The following PTPRG variants were observed in gnomAD, a reference collection of about 807,000 sequenced individuals.
PTPRG encodes the protein protein tyrosine phosphatase receptor type G, also known as receptor-type tyrosine-protein phosphatase gamma.
Under a neutral mutation model 165.3 loss-of-function variants are expected in PTPRG, and 102 were observed. The ratio of observed to expected loss-of-function variants is 0.62; its 90% confidence interval spans 0.53 to 0.73. PTPRG has a LOEUF of 0.73. Among genes scored for constraint, PTPRG ranks in the 30% least tolerant of loss-of-function variants. The pLI is 0.00. For missense variants in PTPRG, 1,866 were observed against 1,861.4 expected (o/e 1.00, Z -0.05); for synonymous variants, 675 against 669.5 (o/e 1.01, Z -0.13).
chr3:62,271,584 A>T lies in PTPRG; in HGVS notation c.3182+29A>T. 1 of 1,597,382 alleles carries T rather than the reference A, an allele frequency of 6.3e-7. No homozygotes were observed. Among genetic ancestry groups the T allele is most frequent in the Non-Finnish European group, 8.5e-7 (1 of 1,170,844 alleles). On this transcript the variant is annotated intron_variant, in intron 21 of 29. Coordinates refer to ENST00000474889, the MANE Select transcript of PTPRG (RefSeq NM_002841.4). This position sits in a 1 kb window ranked among gnomAD's most constrained non-coding sequence, Gnocchi z 4.1. ...GGGTCTAGGATTCAACATGTGAAAT[A>T]GATGGGGCAGGGGACTTAGGCCTCA...
intron 1 of PTPRG, among the ~76,000 whole-genome samples, chr3:61,626,216 T>A (rs1252342547): frequency 6.6e-6 from 1 of 152,202 alleles, no homozygotes; most frequent in Admixed American, 6.5e-5. Flanking sequence ...TAAAGCTTTT[T>A]TAAAAACTAA....
intron 2 of PTPRG, among the ~76,000 whole-genome samples, chr3:61,886,382 C>CTTACCTATACAA: frequency 6.6e-6 from 1 of 152,254 alleles, no homozygotes; most frequent in East Asian, 1.9e-4. Flanking sequence ...AGTTCATTTA[C>CTTACCTATACAA]TTACCTATAT....
At chr3:62,282,962 C>A in intron 28 of PTPRG, 93 bp downstream of exon 28, 1 of 1,193,004 alleles carries the variant, frequency 8.4e-7, no homozygotes, top group Non-Finnish European at 1.2e-6. Context: ...AATTTTAAAA[C>A]CTATCAACAA....
intron 2 of PTPRG, among the ~76,000 whole-genome samples, chr3:61,792,346 C>T (rs1208018362): frequency 6.6e-6 from 1 of 152,028 alleles, no homozygotes; most frequent in Non-Finnish European, 1.5e-5. Context: ...CCCCGTCACC[C>T]CTCCGTAGCT....
At chr3:61,712,565 C>G (rs1230520705) in intron 1 of PTPRG, among the ~76,000 whole-genome samples, 7 of 152,126 alleles carry the variant, frequency 4.6e-5, no homozygotes, top group Non-Finnish European at 1.0e-4. Flanking sequence ...GATGGTTTAA[C>G]AGTGGCAGCT....
intron 3 of PTPRG, among the ~76,000 whole-genome samples, chr3:61,992,447 C>A (rs994647967): frequency 6.6e-6 from 1 of 152,136 alleles, no homozygotes; most frequent in Non-Finnish European, 1.5e-5. Flanking sequence ...GCAACCTCTG[C>A]CTCCCGGGTT....
chr3:61,774,093 C>T (rs935668064), intron 2 of PTPRG, among the ~76,000 whole-genome samples: 3 of 152,102 alleles, frequency 2.0e-5, no homozygotes, highest in African/African-American at 7.2e-5. Flanking sequence ...TCATTCATTC[C>T]AGGCTTAGAG....
intron 2 of PTPRG, among the ~76,000 whole-genome samples, chr3:61,773,365 C>T (rs1361832033): frequency 6.6e-6 from 1 of 152,112 alleles, no homozygotes; most frequent in Non-Finnish European, 1.5e-5. Context: ...AGATAAACGC[C>T]TAACTACAGA....
intron 4 of PTPRG, among the ~76,000 whole-genome samples, chr3:62,030,572 C>T (rs1273284971): frequency 6.6e-6 from 1 of 152,080 alleles, no homozygotes; most frequent in Non-Finnish European, 1.5e-5. Flanking sequence ...CTGGAGATGT[C>T]ATCATTGATC....
rs1559670151 is a variant in PTPRG at position 61,887,141 on chromosome 3, TATATATATATATATATATATATATATA to T, written c.191-102483_191-102457del. Among the ~76,000 whole-genome samples, 3 of 54,710 alleles carry T rather than the reference TATATATATATATATATATATATATATA, an allele frequency of 5.5e-5. 1 individual carries two copies. The East Asian group carries it at 1.4e-3, about 25-fold the overall frequency. 35.9% of individuals were successfully genotyped at this position (54,710 alleles called of 152,430 possible). A position where few individuals can be genotyped will look rare whatever the true frequency, so the allele number is the denominator to read the frequency against. On this transcript the variant is annotated intron_variant, in intron 2 of 29. Transcript: ENST00000474889. ...TAGCATGCATATATATATATATATA[TATATATATATATATATATATATATATA>T]TATTTTTAATGCCATCATCAAACAC...
chr3:61,645,671 T>A (rs990180743), intron 1 of PTPRG, among the ~76,000 whole-genome samples: 1 of 152,244 alleles, frequency 6.6e-6, no homozygotes, highest in African/African-American at 2.4e-5. Flanking sequence ...TGATAGTAGA[T>A]GCTTTAGATC....
chr3:61,925,777 C>A, intron 2 of PTPRG: 1 of 397,012 alleles, frequency 2.5e-6, no homozygotes, highest in African/African-American at 2.1e-5. Flanking sequence ...GTCAAAGTTG[C>A]AGCACCTGCC....
intron 2 of PTPRG, among the ~76,000 whole-genome samples, chr3:61,860,745 A>AT (rs2037243758): frequency 6.6e-6 from 1 of 152,068 alleles, no homozygotes; most frequent in African/African-American, 2.4e-5. Context: ...CGCCTAGCCC[A>AT]TTTTTTAAAA....
At chr3:61,966,214 C>T (rs76341859) in intron 2 of PTPRG, among the ~76,000 whole-genome samples, 2,043 of 152,156 alleles carry the variant, frequency 0.013, 42 homozygotes, top group African/African-American at 0.045. Context: ...TATCTGCTGG[C>T]GAAATTTTTG....
At position 62,074,307 on chromosome 3, in the gene PTPRG, T is replaced by A. The variant is rs551309360; in HGVS notation, c.520-3856T>A. 1.1e-4 allele frequency among the ~76,000 whole-genome samples: 17 copies of A among 151,594 alleles called. No homozygotes were observed. The South Asian group carries it at 3.4e-3, about 30-fold the overall frequency. On this transcript the variant is annotated intron_variant, in intron 4 of 29. Transcript: ENST00000474889. ...GTTAATAGATCCCTTTATTGCTGGA[T>A]TTTCCAGATCTTTTTTTCTTTTTTT...
At chr3:62,281,537 G>GGTTTTTTT (rs778994257) in intron 26 of PTPRG, 26 bp from the exon 27 acceptor site, 1 of 174,778 alleles carries the variant, frequency 5.7e-6, no homozygotes, top group Non-Finnish European at 8.2e-6. Flanking sequence ...AACTGCAGAG[G>GGTTTTTTT]CTTTTTTTTT....
intron 1 of PTPRG, among the ~76,000 whole-genome samples, chr3:61,614,773 A>G (rs549603316): frequency 6.6e-6 from 1 of 152,356 alleles, no homozygotes; most frequent in South Asian, 2.1e-4. Flanking sequence ...GAATTAAAAT[A>G]TAGAAGGAAT....
intron 1 of PTPRG, among the ~76,000 whole-genome samples, chr3:61,691,449 G>T (rs1371208057): frequency 1.2e-4 from 19 of 152,148 alleles, no homozygotes; most frequent in Non-Finnish European, 7.3e-5. Context: ...GCAAAATGGA[G>T]TGTGATCCTA....
At chr3:62,198,187 A>G (rs1700015712) in intron 10 of PTPRG, among the ~76,000 whole-genome samples, 2 of 152,220 alleles carry the variant, frequency 1.3e-5, no homozygotes, top group South Asian at 2.1e-4. Context: ...ATAGCAAGCA[A>G]TATTTGTAGA....
Sources: gnomAD v4.1 joint callset for allele counts (sites outside exome capture counted in the v4.1 genomes callset) on GRCh38, gnomAD v4.1.1 for gene constraint, Gnocchi (gnomAD v3.1) non-coding constraint, MANE v1.5 for transcripts, NCBI Gene and HGNC (gene_info 2026-07-23, HGNC 2026-07-21) for gene names.